The following ABCA13 variants were observed in gnomAD, a reference collection of about 807,000 sequenced individuals.
ABCA13 encodes ATP binding cassette subfamily A member 13.
ABCA13 carries 476 observed loss-of-function variants against 478.7 expected under a neutral mutation model. The observed-to-expected ratio is 0.99, with a 90% CI of 0.92 to 1.07. The LOEUF (loss-of-function observed/expected upper bound fraction) is 1.07. Among genes scored for constraint, ABCA13 ranks in the 50% least tolerant of loss-of-function variants. The pLI, the probability that ABCA13 is intolerant of heterozygous loss-of-function variation, is 0.00. For synonymous variants in ABCA13, 2,252 were observed against 2,158.9 expected (o/e 1.04, Z -1.20); for missense variants, 6,060 against 5,910.6 (o/e 1.03, Z -0.83).
intron 59 of ABCA13, among the ~76,000 whole-genome samples, chr7:48,638,001 G>A (rs560000468): frequency 1.3e-5 from 2 of 152,318 alleles, no homozygotes; most frequent in Admixed American, 6.5e-5. Context: ...CCATACACCT[G>A]CATGTACACA....
At chr7:48,375,291 TG>T (rs1304119595) in intron 34 of ABCA13, among the ~76,000 whole-genome samples, 1 of 152,176 alleles carries the variant, frequency 6.6e-6, no homozygotes, top group Non-Finnish European at 1.5e-5. Context: ...GTTAGATGAT[TG>T]TTGACCTGGG....
At chr7:48,476,036 G>T (rs765347019) in intron 45 of ABCA13, among the ~76,000 whole-genome samples, 1 of 152,132 alleles carries the variant, frequency 6.6e-6, no homozygotes, top group Non-Finnish European at 1.5e-5. Context: ...GTTTCTTGTC[G>T]CTGAGATAAT....
At chr7:48,299,802 T>C (rs1036191738) in intron 23 of ABCA13, among the ~76,000 whole-genome samples, 4 of 152,186 alleles carry the variant, frequency 2.6e-5, no homozygotes, top group Admixed American at 1.3e-4. Context: ...ATGGGAGGGC[T>C]GTGCACAGAG....
chr7:48,257,927 T>G (rs1324619934), intron 15 of ABCA13, among the ~76,000 whole-genome samples: 1 of 152,046 alleles, frequency 6.6e-6, no homozygotes, highest in Non-Finnish European at 1.5e-5. Context: ...TGTTGCTTAT[T>G]TATTTATTTT....
chr7:48,458,628 T>A (rs1203064286), intron 43 of ABCA13, among the ~76,000 whole-genome samples: 2 of 152,218 alleles, frequency 1.3e-5, no homozygotes, highest in Non-Finnish European at 2.9e-5. Context: ...TACATTAAAT[T>A]CACTGAAAAT....
At chr7:48,330,782 T>TCC (rs1563065345) in intron 27 of ABCA13, among the ~76,000 whole-genome samples, 4 of 131,754 alleles carry the variant, frequency 3.0e-5, no homozygotes, top group African/African-American at 1.1e-4. Context: ...TCCATCCATC[T>TCC]ATACATTAAT....
At chr7:48,364,604 T>G (rs1039827746) in intron 31 of ABCA13, among the ~76,000 whole-genome samples, 51 of 152,294 alleles carry the variant, frequency 3.3e-4, no homozygotes, top group African/African-American at 1.2e-3. Context: ...ACTACTCTAC[T>G]TTCTACCTCA....
chr7:48,641,193 A>G (rs979688416), intron 59 of ABCA13, among the ~76,000 whole-genome samples: 1 of 152,194 alleles, frequency 6.6e-6, no homozygotes, highest in African/African-American at 2.4e-5. Context: ...GTTTCTACTA[A>G]TGGTAAAAAT....
chr7:48,524,141 G>A (rs1438548498), intron 53 of ABCA13, 107 bp from the exon 54 acceptor site: 20 of 1,049,790 alleles, frequency 1.9e-5, no homozygotes, highest in East Asian at 5.4e-5. Flanking sequence ...CCAGAAGTCC[G>A]AAGGTGATAT....
intron 58 of ABCA13, among the ~76,000 whole-genome samples, chr7:48,598,489 T>C (rs901719472): frequency 6.6e-6 from 1 of 152,196 alleles, no homozygotes; most frequent in African/African-American, 2.4e-5. Context: ...TGTTAATTTT[T>C]GTAAGGATCC....
Position 48,410,391 on chromosome 7 carries a change from T to G in ABCA13, c.12071-129T>G, listed in dbSNP as rs1818847726. 6 of 1,215,112 alleles carry G rather than the reference T, an allele frequency of 4.9e-6. No homozygotes were observed. The South Asian group carries it at 8.0e-5, about 16-fold the overall frequency. The allele number at this position is 1,215,112 out of a possible 1,614,324, so 75.3% of individuals were successfully genotyped here. A position where few individuals can be genotyped will look rare whatever the true frequency, so the allele number is the denominator to read the frequency against. ...CAAAGTGGCCAGGACGCATTTCAAT[T>G]TTTTTCAGTTTGAAAATTGGTGAGG... On this transcript the variant is annotated intron_variant, in intron 39 of 61. Coordinates refer to ENST00000435803, the MANE Select transcript of ABCA13 (RefSeq NM_152701.5).
In ABCA13 at chr7:48,481,131, G is replaced by T; in HGVS notation, c.13071G>T (p.Leu4357Phe). Reference sequence around the variant, plus strand: ...CAGGCTTCAATATGGAGGAGTACTTGCTGGCACCATCTGAAAAACCAAGGT... The same window carrying T: ...CAGGCTTCAATATGGAGGAGTACTTTCTGGCACCATCTGAAAAACCAAGGT... ...NLSGFNMEEY[L>F]LAPSEKPRLG... is the part of the protein sequence containing the mutation. The change falls in exon 46 of 62, where the codon TTG becomes TTT. Residue 4357 changes from leucine (L) to phenylalanine (F), a missense_variant. Leu to Phe is a conservative substitution (Grantham distance 22, BLOSUM62 0). Around this residue, in one of 3 missense-constraint regions of ABCA13, gnomAD observed 1,627 missense variants for 1,571.0 expected, o/e 1.04. Coordinates refer to ENST00000435803, the MANE Select transcript of ABCA13 (RefSeq NM_152701.5). 6.3e-7 allele frequency: 1 copy of T among 1,591,014 alleles called. No homozygotes were observed. Among genetic ancestry groups the T allele is most frequent in the Non-Finnish European group, 8.6e-7 (1 of 1,167,906 alleles).
At chr7:48,569,913 A>C (rs1329198994) in intron 55 of ABCA13, among the ~76,000 whole-genome samples, 2 of 152,102 alleles carry the variant, frequency 1.3e-5, no homozygotes, top group Admixed American at 1.3e-4. Context: ...ATTTGAGAAG[A>C]ATGTTCAGTC....
intron 1 of ABCA13, among the ~76,000 whole-genome samples, chr7:48,186,190 G>A (rs2128880512): frequency 6.6e-6 from 1 of 151,986 alleles, no homozygotes; most frequent in Non-Finnish European, 1.5e-5. Context: ...TTTAATCTAA[G>A]CATTATTTGA....
chr7:48,358,201 A>AGGAC (rs1563114804), intron 31 of ABCA13, among the ~76,000 whole-genome samples: 7 of 117,598 alleles, frequency 6.0e-5, no homozygotes, highest in African/African-American at 2.1e-4. Context: ...CAGGACAGGA[A>AGGAC]AGGAAAGGAA....
At chr7:48,293,470 G>T (rs1279395439) in intron 20 of ABCA13, among the ~76,000 whole-genome samples, 1 of 152,086 alleles carries the variant, frequency 6.6e-6, no homozygotes, top group African/African-American at 2.4e-5. Flanking sequence ...CCCATAATTG[G>T]TGCAACCTGG....
At chr7:48,635,512 A>G (rs1185673771) in intron 59 of ABCA13, among the ~76,000 whole-genome samples, 1 of 152,196 alleles carries the variant, frequency 6.6e-6, no homozygotes, top group African/African-American at 2.4e-5. Context: ...GGGGACCCCA[A>G]TATTCTCGGC....
rs548991425 is a variant in ABCA13, at chr7:48,174,370, G to A, written c.69+2818G>A. On this transcript the variant is annotated intron_variant, in intron 1 of 61. Coordinates refer to ENST00000435803, the MANE Select transcript of ABCA13 (RefSeq NM_152701.5). ...CATACATGTGATAATTTAGTAATTT[G>A]TATCATTCATAAAGAGCAAATCAGT... is the stretch of plus-strand genomic sequence containing the variant. Among the ~76,000 whole-genome samples the A allele has an allele frequency of 4.8e-4, 73 of 151,524 alleles. No homozygotes were observed. In the South Asian group the frequency reaches 0.013, roughly 26 times the overall value.
chr7:48,277,247 G>A (rs887922168), intron 17 of ABCA13, among the ~76,000 whole-genome samples: 6 of 152,068 alleles, frequency 3.9e-5, no homozygotes, highest in Non-Finnish European at 5.9e-5. Flanking sequence ...AGGCAGGGGC[G>A]CCCACAGCAG....
Sources: allele counts gnomAD v4.1 joint callset (sites outside exome capture counted in the v4.1 genomes callset), GRCh38; gene constraint gnomAD v4.1.1; regional missense constraint gnomAD v4.1.1; transcripts MANE v1.5; gene names NCBI Gene and HGNC (gene_info 2026-07-23, HGNC 2026-07-21).